Variants in KIF2C observed in about 807,000 individuals in gnomAD.
KIF2C encodes kinesin-like protein KIF2C.
A neutral mutation model predicts 97.4 loss-of-function variants in KIF2C; 34 were observed. That is an observed-to-expected ratio of 0.35 (90% CI 0.27 to 0.46). KIF2C has a LOEUF of 0.46. Among genes scored for constraint, KIF2C ranks in the 20% least tolerant of loss-of-function variants. The probability of loss-of-function intolerance (pLI) is 1.00; values close to 1 mark genes in which losing one functional copy is unlikely to be tolerated. For synonymous variants in KIF2C, 313 were observed against 318.2 expected (o/e 0.98, Z 0.17); for missense variants, 750 against 907.6 (o/e 0.83, Z 2.23).
At chr1:44,740,820 C>A in intron 1 of KIF2C, 93 bp from the exon 2 acceptor site, 20 of 409,890 alleles carry the variant, frequency 4.9e-5, no homozygotes, top group Non-Finnish European at 7.6e-5. Flanking sequence ...CCTGTTCCTT[C>A]AGGTTAACTC....
chr1:44,760,714 C>T lies in KIF2C; in HGVS notation c.1683+12C>T. On this transcript the variant is annotated intron_variant, in intron 16 of 20. Transcript: ENST00000372224. This position sits in a 1 kb window ranked among gnomAD's most constrained non-coding sequence, Gnocchi z 4.2. ...CTAGGACTTGCATGGTGAGTAGGGT[C>T]ACTTTGAAGGTGATGGTACAGGAGG... 6.3e-7 allele frequency: 1 copy of T among 1,594,650 alleles called. No individual in the cohort carries two copies. Among genetic ancestry groups the T allele is most frequent in the African/African-American group, 1.3e-5 (1 of 74,646 alleles).
In KIF2C at chr1:44,739,981, A is replaced by C. The variant is rs1648850596; in HGVS notation, c.49A>C (p.Ile17Leu). The stretch of plus-strand genomic sequence containing the variant: ...GGCCCGCCTGTTTCCCGGTCTCGCT[A>C]TCAAGATCCAACGCAGTAATGGTGA... ...LQARLFPGLA[I>L]KIQRSNGLIH... The change falls in exon 1 of 21, where the codon ATC (isoleucine) becomes CTC (leucine). Residue 17 changes from isoleucine to leucine, a missense_variant. Coordinates refer to ENST00000372224, the MANE Select transcript of KIF2C (RefSeq NM_006845.4). 1.2e-6 allele frequency: 2 copies of C among 1,614,206 alleles called. No individual in the cohort carries two copies. The highest frequency in any genetic ancestry group is 1.7e-6 in the Non-Finnish European group (2 of 1,180,032).
At chr1:44,762,704 C>A in intron 19 of KIF2C, 46 bp downstream of exon 19, 2 of 1,219,356 alleles carry the variant, frequency 1.6e-6, no homozygotes, top group South Asian at 1.2e-5. Flanking sequence ...GCACGGCCCT[C>A]AGTATGCTCC....
intron 13 of KIF2C, among the ~76,000 whole-genome samples, chr1:44,758,354 C>T (rs555417348): frequency 2.3e-4 from 35 of 152,298 alleles, no homozygotes; most frequent in South Asian, 1.0e-3. Context: ...CTCCTCAGGG[C>T]GCCCTTTCAG....
rs374661660 is a variant in KIF2C at position 44,739,988 on chromosome 1, T to G, written c.56T>G (p.Ile19Ser). ...CTGTTTCCCGGTCTCGCTATCAAGA[T>G]CCAACGCAGTAATGGTGAGGAGCGG... is the stretch of plus-strand genomic sequence containing the variant. ...ARLFPGLAIK[I>S]QRSNGLIHSA... Residue 19 changes from isoleucine (I) to serine (S), a missense_variant, in exon 1 of 21, where the codon ATC (isoleucine) becomes AGC (serine). Ile to Ser is a moderately radical substitution (Grantham distance 142). Coordinates refer to ENST00000372224, the MANE Select transcript of KIF2C (RefSeq NM_006845.4). The G allele has an allele frequency of 8.1e-6, 13 of 1,614,082 alleles. No homozygotes were observed. The highest frequency in any genetic ancestry group is 1.3e-5 in the African/African-American group (1 of 74,930).
At chr1:44,755,670 A>G (rs1649791092) in intron 8 of KIF2C, among the ~76,000 whole-genome samples, 1 of 152,256 alleles carries the variant, frequency 6.6e-6, no homozygotes, top group African/African-American at 2.4e-5. Context: ...TAGGTTGGCT[A>G]GATTCCTGCA....
rs192312775 is a variant in KIF2C, at chr1:44,751,565, A to G, written c.439+1001A>G. On this transcript the variant is annotated intron_variant, in intron 5 of 20. Transcript: ENST00000372224. ...CTCTTGTTGCCCAGGCTGGAGGGCAATGACGCTATCTTGGCTAACCTCAAT... is the reference window on the plus strand; with the variant it reads ...CTCTTGTTGCCCAGGCTGGAGGGCAGTGACGCTATCTTGGCTAACCTCAAT... 3.5e-3 allele frequency among the ~76,000 whole-genome samples: 515 copies of G among 146,816 alleles called. 3 individuals are homozygous for G. The highest frequency in any genetic ancestry group is 0.012 in the African/African-American group (487 of 39,534).
intron 11 of KIF2C, 111 bp from the exon 12 acceptor site, chr1:44,757,797 T>A: frequency 8.1e-7 from 1 of 1,236,008 alleles, no homozygotes; most frequent in Non-Finnish European, 1.2e-6. Flanking sequence ...GGGAGGGGCT[T>A]TAGGTCCAGC....
At chr1:44,750,687 C>A in intron 5 of KIF2C, 123 bp downstream of exon 5, 1 of 1,109,606 alleles carries the variant, frequency 9.0e-7, no homozygotes. Context: ...CTGCTCCTGC[C>A]CTACCAACAC....
chr1:44,742,425 A>C (rs956536501), intron 2 of KIF2C, among the ~76,000 whole-genome samples: 10 of 150,718 alleles, frequency 6.6e-5, no homozygotes, highest in Admixed American at 5.9e-4. Context: ...TGTTTGTAGA[A>C]AGCAAACTGC....
chr1:44,753,946 G>T, intron 7 of KIF2C, 113 bp downstream of exon 7: 7 of 279,534 alleles, frequency 2.5e-5, no homozygotes, highest in Middle Eastern at 6.3e-4. Context: ...TCCAGTTCTT[G>T]AGGCCCCAAT....
At chr1:44,746,684 CCCT>C in intron 2 of KIF2C, 1 of 1,591,518 alleles carries the variant, frequency 6.3e-7, no homozygotes, top group South Asian at 1.1e-5. Context: ...TGCCTGTCTG[CCCT>C]CCTCTTCACC....
At chr1:44,754,955 T>G (rs1649738278) in intron 8 of KIF2C, 110 bp downstream of exon 8, 2 of 675,944 alleles carry the variant, frequency 3.0e-6, no homozygotes, top group East Asian at 2.7e-5. Context: ...TTTGAGGGTT[T>G]TATTATTATT....
In KIF2C at chr1:44,750,517, T is replaced by C. The variant is rs575189085; in HGVS notation, c.392T>C (p.Val131Ala). The change falls in exon 5 of 21, where the codon GTG becomes GCG. Residue 131 changes from valine (V) to alanine (A), a missense_variant. Transcript: ENST00000372224. ...RITAQENDME[V>A]ELPAAANSRK... ...ACGGCTCAGGAGAATGACATGGAGG[T>C]GGAGCTGCCTGCAGCTGCAAACTCC... The C allele has an allele frequency of 2.0e-5, 31 of 1,585,696 alleles. No homozygotes were observed. The South Asian group carries it at 3.5e-4, about 18-fold the overall frequency.
At position 44,760,184 on chromosome 1, in the gene KIF2C, C is replaced by T; in HGVS notation, c.1368-96C>T. The T allele has an allele frequency of 8.6e-7, 1 of 1,159,004 alleles. No homozygotes were observed. The allele number at this position is 1,159,004 out of a possible 1,614,324, so 71.8% of individuals were successfully genotyped here. A position where few individuals can be genotyped will look rare whatever the true frequency, so the allele number is the denominator to read the frequency against. ...ACAGGAAAACAGGACTTTTTCGCCT[C>T]CTAACCTGTGTCCCTCCCTTCCTAG... On this transcript the variant is annotated intron_variant, in intron 14 of 20. Transcript: ENST00000372224. This position sits in a 1 kb window ranked among gnomAD's most constrained non-coding sequence, Gnocchi z 4.2.
At chr1:44,744,461 A>C (rs1470052785) in intron 2 of KIF2C, among the ~76,000 whole-genome samples, 3 of 152,122 alleles carry the variant, frequency 2.0e-5, no homozygotes, top group African/African-American at 7.2e-5. Context: ...CTTCTTCCAC[A>C]TATCCTATGC....
At chr1:44,752,992 A>G (rs974254186) in intron 5 of KIF2C, 140 bp from the exon 6 acceptor site, 3 of 1,050,734 alleles carry the variant, frequency 2.9e-6, no homozygotes, top group Non-Finnish European at 4.1e-6. Flanking sequence ...AGGTGAAGGG[A>G]AAAGCACAAG....
intron 19 of KIF2C, among the ~76,000 whole-genome samples, chr1:44,766,536 G>T (rs991730591): frequency 1.3e-5 from 2 of 152,092 alleles, no homozygotes; most frequent in Admixed American, 1.3e-4. Context: ...CCTTAAACTC[G>T]GGGGGTGGAG....
chr1:44,760,181 C>A lies in KIF2C; in HGVS notation c.1368-99C>A. 9.3e-7 allele frequency: 1 copy of A among 1,076,686 alleles called. No individual in the cohort carries two copies. Among genetic ancestry groups the A allele is most frequent in the Non-Finnish European group, 1.4e-6 (1 of 725,668 alleles). 66.7% of individuals were successfully genotyped at this position (1,076,686 alleles called of 1,614,324 possible). On this transcript the variant is annotated intron_variant, in intron 14 of 20. Coordinates refer to ENST00000372224, the MANE Select transcript of KIF2C (RefSeq NM_006845.4). This position sits in a 1 kb window ranked among gnomAD's most constrained non-coding sequence, Gnocchi z 4.2. The stretch of plus-strand genomic sequence containing the variant: ...GGGACAGGAAAACAGGACTTTTTCG[C>A]CTCCTAACCTGTGTCCCTCCCTTCC...
Sources: gnomAD v4.1 joint callset for allele counts (sites outside exome capture counted in the v4.1 genomes callset) on GRCh38, gnomAD v4.1.1 for gene constraint, Gnocchi (gnomAD v3.1) non-coding constraint, MANE v1.5 for transcripts, NCBI Gene and HGNC (gene_info 2026-07-23, HGNC 2026-07-21) for gene names.